TENM2: variants seen among roughly 807,000 people sequenced by gnomAD.
TENM2 encodes teneurin-2.
A neutral mutation model predicts 245.2 loss-of-function variants in TENM2; 52 were observed. The observed-to-expected ratio is 0.21, with a 90% CI of 0.17 to 0.27. TENM2 has a LOEUF of 0.27. Among genes scored for constraint, TENM2 ranks in the 10% least tolerant of loss-of-function variants. The pLI is 1.00. For synonymous variants in TENM2, 1,363 were observed against 1,438.9 expected (o/e 0.95, Z 1.19); for missense variants, 3,046 against 3,666.8 (o/e 0.83, Z 4.37).
intron 2 of TENM2, among the ~76,000 whole-genome samples, chr5:167,756,951 C>A (rs1012366130): frequency 1.3e-5 from 2 of 152,056 alleles, no homozygotes; most frequent in Non-Finnish European, 2.9e-5. Flanking sequence ...CTGACATAGA[C>A]CCCCATGAAA....
the TENM2 span, among the ~76,000 whole-genome samples, chr5:167,212,816 T>C: frequency 2.6e-5 from 4 of 152,200 alleles, no homozygotes; most frequent in Non-Finnish European, 4.4e-5. Flanking sequence ...TCTGATGTTA[T>C]CTGGGTTGCT....
chr5:168,042,172 C>T (rs1053787804), intron 5 of TENM2, among the ~76,000 whole-genome samples: 3 of 152,142 alleles, frequency 2.0e-5, no homozygotes, highest in South Asian at 2.1e-4. Context: ...TATCTGATGG[C>T]ATGCTGAGCC....
intron 4 of TENM2, among the ~76,000 whole-genome samples, chr5:167,982,594 C>T (rs896503036): frequency 6.6e-6 from 1 of 152,052 alleles, no homozygotes; most frequent in Non-Finnish European, 1.5e-5. Flanking sequence ...TTAGAGGAGG[C>T]ATCTGAGGAC....
the TENM2 span, among the ~76,000 whole-genome samples, chr5:167,101,326 A>G: frequency 6.6e-6 from 1 of 152,230 alleles, no homozygotes; most frequent in South Asian, 2.1e-4. Context: ...AATCTGAGTA[A>G]ATATTATGGA....
At chr5:167,097,502 C>T in the TENM2 span, among the ~76,000 whole-genome samples, 4 of 152,024 alleles carry the variant, frequency 2.6e-5, no homozygotes, top group Admixed American at 1.3e-4. Flanking sequence ...GCATCATCTC[C>T]GGGCACTCGC....
rs950620502 is a variant in TENM2, at chr5:168,244,167, C to A, written c.5521-253C>A. Among the ~76,000 whole-genome samples, 1 of 152,116 alleles carries A rather than the reference C, an allele frequency of 6.6e-6. No individual in the cohort carries two copies. The highest frequency in any genetic ancestry group is 2.4e-5 in the African/African-American group (1 of 41,420). Reference sequence around the variant, plus strand: ...GGCCAGGCTGGTCTTGAACTCCCGACCTCAGGTGATCCACCCACTTCAGCC... The same window carrying A: ...GGCCAGGCTGGTCTTGAACTCCCGAACTCAGGTGATCCACCCACTTCAGCC... On this transcript the variant is annotated intron_variant, in intron 25 of 28. Transcript: ENST00000518659. This position sits in a 1 kb window ranked among gnomAD's most constrained non-coding sequence, Gnocchi z 4.9.
At chr5:167,066,431 G>T in the TENM2 span, among the ~76,000 whole-genome samples, 1 of 151,930 alleles carries the variant, frequency 6.6e-6, no homozygotes, top group Non-Finnish European at 1.5e-5. Flanking sequence ...TGCACAATGT[G>T]CAGGTTTGTT....
chr5:167,367,431 G>T (rs1389829537), intron 1 of TENM2, among the ~76,000 whole-genome samples: 1 of 152,054 alleles, frequency 6.6e-6, no homozygotes, highest in East Asian at 1.9e-4. Context: ...TTACTCTGTT[G>T]TTTTAAGCCA....
chr5:167,690,463 G>C (rs1757353114), intron 2 of TENM2, among the ~76,000 whole-genome samples: 1 of 151,956 alleles, frequency 6.6e-6, no homozygotes. Context: ...TACTTATTTG[G>C]GAAGGACTTC....
chr5:167,060,348 A>G, the TENM2 span, among the ~76,000 whole-genome samples: 2 of 151,748 alleles, frequency 1.3e-5, no homozygotes, highest in Non-Finnish European at 2.9e-5. Context: ...AAAAATTTAG[A>G]CCACATTAAA....
At chr5:168,259,380 G>T (rs1442957257) in intron 27 of TENM2, among the ~76,000 whole-genome samples, 1 of 152,116 alleles carries the variant, frequency 6.6e-6, no homozygotes, top group Non-Finnish European at 1.5e-5. Context: ...CTGAGGTCGG[G>T]AGTTCGAAAC....
At chr5:167,439,273 T>C (rs1396120731) in intron 2 of TENM2, among the ~76,000 whole-genome samples, 1 of 152,192 alleles carries the variant, frequency 6.6e-6, no homozygotes, top group Non-Finnish European at 1.5e-5. Context: ...TGGACACTGC[T>C]CTGGATGGGC....
chr5:167,446,824 C>G (rs527828472), intron 2 of TENM2, among the ~76,000 whole-genome samples: 2 of 150,476 alleles, frequency 1.3e-5, no homozygotes, highest in Non-Finnish European at 2.9e-5. Flanking sequence ...CACACACACA[C>G]ACAGACATAC....
chr5:168,006,034 C>T (rs1414913906), intron 5 of TENM2, among the ~76,000 whole-genome samples: 1 of 152,116 alleles, frequency 6.6e-6, no homozygotes, highest in Non-Finnish European at 1.5e-5. Flanking sequence ...AACCACATGC[C>T]CATCACTGGC....
At chr5:167,379,702 A>C (rs569937720) in intron 2 of TENM2, among the ~76,000 whole-genome samples, 5 of 152,222 alleles carry the variant, frequency 3.3e-5, no homozygotes, top group Admixed American at 1.3e-4. Context: ...ACTTACTAAG[A>C]GCTCCAGACC....
intron 2 of TENM2, among the ~76,000 whole-genome samples, chr5:167,561,662 A>G (rs73801282): frequency 0.022 from 3,422 of 152,318 alleles, 138 homozygotes; most frequent in African/African-American, 0.079. Context: ...TGCAAAAATA[A>G]GGGTGAGGAG....
intron 2 of TENM2, among the ~76,000 whole-genome samples, chr5:167,581,414 A>G (rs1394476715): frequency 6.6e-6 from 1 of 152,236 alleles, no homozygotes; most frequent in African/African-American, 2.4e-5. Context: ...TCGATGATGT[A>G]GTATAATGAA....
At chr5:167,336,567 G>C (rs965215474) in intron 1 of TENM2, among the ~76,000 whole-genome samples, 1 of 152,014 alleles carries the variant, frequency 6.6e-6, no homozygotes, top group African/African-American at 2.4e-5. Context: ...GAACGGTAGA[G>C]AATTCCAAGG....
chr5:168,262,710 A>G (rs1226286270), exon 29 of TENM2: 1 of 1,611,278 alleles, frequency 6.2e-7, no homozygotes, highest in South Asian at 1.1e-5. Context: ...GTGCAAGGGT[A>G]CGAGGGATAT....
Sources: allele counts gnomAD v4.1 joint callset (sites outside exome capture counted in the v4.1 genomes callset), GRCh38; gene constraint gnomAD v4.1.1; non-coding constraint Gnocchi (gnomAD v3.1); transcripts MANE v1.5; gene names NCBI Gene and HGNC (gene_info 2026-07-23, HGNC 2026-07-21).